Variants in CDC42BPB observed in about 807,000 individuals in gnomAD.
CDC42BPB encodes the protein serine/threonine-protein kinase MRCK beta.
A neutral mutation model predicts 214.9 loss-of-function variants in CDC42BPB; 37 were observed. That is an observed-to-expected ratio of 0.17 (90% CI 0.13 to 0.23). CDC42BPB has a LOEUF of 0.23. Among genes scored for constraint, CDC42BPB ranks in the 10% least tolerant of loss-of-function variants. The pLI is 1.00. For missense variants in CDC42BPB, 1,694 were observed against 2,227.0 expected, an observed-to-expected ratio of 0.76 and a Z score of 4.82; for synonymous variants, 931 against 884.0, an observed-to-expected ratio of 1.05 and a Z score of -0.94.
intron 16 of CDC42BPB, among the ~76,000 whole-genome samples, chr14:102,967,644 G>A (rs1185765673): frequency 2.0e-5 from 3 of 152,226 alleles, no homozygotes; most frequent in East Asian, 1.9e-4. Context: ...TGTGCGGGAC[G>A]CTGCCGGCGG....
intron 5 of CDC42BPB, among the ~76,000 whole-genome samples, chr14:102,997,017 T>C (rs571784452): frequency 3.9e-4 from 59 of 152,284 alleles, no homozygotes; most frequent in Admixed American, 3.4e-3. Context: ...CCCACCTCTC[T>C]AGCCTCAACT....
intron 5 of CDC42BPB, among the ~76,000 whole-genome samples, chr14:102,994,484 G>C (rs964664058): frequency 7.2e-5 from 11 of 152,154 alleles, no homozygotes; most frequent in Admixed American, 3.9e-4. Context: ...GAGGCCTTTA[G>C]ATGGGCAGAT....
At chr14:103,046,940 C>T (rs896053551) in intron 1 of CDC42BPB, among the ~76,000 whole-genome samples, 20 of 151,806 alleles carry the variant, frequency 1.3e-4, no homozygotes, top group Non-Finnish European at 8.8e-5. Context: ...CAGGAGCCGC[C>T]GCGCCCAGCC....
chr14:103,049,330 T>C (rs961193535), intron 1 of CDC42BPB, among the ~76,000 whole-genome samples: 1 of 152,206 alleles, frequency 6.6e-6, no homozygotes, highest in African/African-American at 2.4e-5. Flanking sequence ...TCTCAGATGG[T>C]GGCCTGAGGG....
At chr14:103,002,376 G>T (rs1895028669) in intron 4 of CDC42BPB, among the ~76,000 whole-genome samples, 1 of 152,188 alleles carries the variant, frequency 6.6e-6, no homozygotes, top group Non-Finnish European at 1.5e-5. Flanking sequence ...CTTCACAGGG[G>T]CTCCTAACTG....
chr14:102,945,242 A>G, intron 29 of CDC42BPB: 2 of 458,668 alleles, frequency 4.4e-6, no homozygotes, highest in Non-Finnish European at 4.4e-6. Context: ...GGCCAGTTCC[A>G]GTCTCCTGAC....
At chr14:102,978,288 G>A (rs1595487803) in intron 8 of CDC42BPB, 83 bp from the exon 9 acceptor site, 1 of 1,586,616 alleles carries the variant, frequency 6.3e-7, no homozygotes, top group Non-Finnish European at 8.6e-7. Flanking sequence ...CAGTCATGGT[G>A]ACAGGAGGCA....
chr14:103,043,390 G>A (rs544094446), intron 1 of CDC42BPB, among the ~76,000 whole-genome samples: 2 of 152,300 alleles, frequency 1.3e-5, no homozygotes, highest in East Asian at 3.9e-4. Context: ...GCTACAACAT[G>A]GGATGAACCT....
At chr14:102,952,804 G>C (rs1337174234) in intron 23 of CDC42BPB, 3 of 875,870 alleles carry the variant, frequency 3.4e-6, no homozygotes, top group Non-Finnish European at 2.7e-6. Context: ...GAGCCAGAGA[G>C]AGGCCAACAA....
chr14:102,950,472 A>T lies in CDC42BPB; in HGVS notation c.3303T>A (p.His1101Gln). 6.2e-7 allele frequency: 1 copy of T among 1,613,096 alleles called. No individual in the cohort carries two copies. The highest frequency in any genetic ancestry group is 2.2e-5 in the East Asian group (1 of 44,882). ...QRGIGTAYKG[H>Q]VKVPKPTGVK... ...CGGAGATGAAGCCGCCTACCTTGAC[A>T]TGGCCTTTGTAGGCTGTTCCGATGC... Residue 1101 changes from histidine to glutamine, a missense_variant, in exon 25 of 37, where the codon CAT becomes CAA. By Grantham distance (24) the His-to-Gln change is conservative. This residue lies in a region of CDC42BPB where 567 missense variants were observed against 790.3 expected (regional missense o/e 0.72). Coordinates refer to ENST00000361246, the MANE Select transcript of CDC42BPB (RefSeq NM_006035.4).
intron 1 of CDC42BPB, among the ~76,000 whole-genome samples, chr14:103,047,895 T>A (rs1888382576): frequency 1.5e-5 from 1 of 66,444 alleles, no homozygotes. Context: ...AGAGCAAGAC[T>A]CTGTGTCCAA....
chr14:102,953,793 T>C (rs1892595111), intron 23 of CDC42BPB, among the ~76,000 whole-genome samples: 1 of 152,194 alleles, frequency 6.6e-6, no homozygotes, highest in Non-Finnish European at 1.5e-5. Context: ...GGGCCGTTTA[T>C]GCTGGGAGTC....
intron 1 of CDC42BPB, among the ~76,000 whole-genome samples, chr14:103,022,048 A>G (rs1414403915): frequency 2.6e-5 from 4 of 152,150 alleles, no homozygotes; most frequent in Non-Finnish European, 5.9e-5. Flanking sequence ...CAAGGTGCCC[A>G]GTGTACAGCT....
At chr14:102,990,389 T>C (rs1435434023) in intron 5 of CDC42BPB, among the ~76,000 whole-genome samples, 1 of 152,194 alleles carries the variant, frequency 6.6e-6, no homozygotes, top group Non-Finnish European at 1.5e-5. Flanking sequence ...GCTTCTGTGG[T>C]GTCCTGGGCA....
Position 103,008,626 on chromosome 14 carries a change from G to A in CDC42BPB, c.268-71C>T, listed in dbSNP as rs1458069094. ...AAGGCTAGCACGCTGGAGCTAAACTGTAGTGAAATCCTAACAGCCCAGGAG... is the reference window on the plus strand; with the variant it reads ...AAGGCTAGCACGCTGGAGCTAAACTATAGTGAAATCCTAACAGCCCAGGAG... On this transcript the variant is annotated intron_variant, in intron 2 of 36. Transcript: ENST00000361246. 3.2e-6 allele frequency: 5 copies of A among 1,583,578 alleles called. No individual in the cohort carries two copies. The African/African-American group carries it at 5.4e-5, about 17-fold the overall frequency.
intron 26 of CDC42BPB, among the ~76,000 whole-genome samples, chr14:102,948,820 T>C (rs1352312422): frequency 6.6e-6 from 1 of 151,914 alleles, no homozygotes; most frequent in Non-Finnish European, 1.5e-5. Context: ...TGACTTGGGC[T>C]CATGCCAACT....
At chr14:102,991,352 C>T (rs761065589) in intron 5 of CDC42BPB, among the ~76,000 whole-genome samples, 7 of 152,190 alleles carry the variant, frequency 4.6e-5, no homozygotes, top group Non-Finnish European at 8.8e-5. Flanking sequence ...ACACTGTATT[C>T]GCCAAACACA....
At position 102,976,036 on chromosome 14, in the gene CDC42BPB, G is replaced by A. The variant is rs143236725; in HGVS notation, c.1234C>T (p.Arg412Ter). The A allele has an allele frequency of 6.2e-7, 1 of 1,610,946 alleles. No homozygotes were observed. The highest frequency in any genetic ancestry group is 8.5e-7 in the Non-Finnish European group (1 of 1,177,748). ...TFTTESCFSDRGSLKSIMQSN... is the reference protein window; with the variant it reads ...TFTTESCFSD ...TGCATTATGCTCTTCAGAGAGCCTC[G>A]ATCAGAAAAACAGCTGGGAAACCAA... is the stretch of plus-strand genomic sequence containing the variant. The change falls in exon 10 of 37, where the codon CGA becomes TGA. Residue 412 changes from arginine (R) to a stop codon, truncating the protein, a stop_gained. Coordinates refer to ENST00000361246, the MANE Select transcript of CDC42BPB (RefSeq NM_006035.4). LOFTEE classifies it high-confidence loss of function.
intron 29 of CDC42BPB, 125 bp downstream of exon 29, chr14:102,945,537 T>C (rs1363459219): frequency 1.3e-6 from 1 of 783,178 alleles, no homozygotes; most frequent in South Asian, 1.6e-5. Flanking sequence ...CACGGCACGC[T>C]GGCCCCTCCG....
Sources: allele counts gnomAD v4.1 joint callset (sites outside exome capture counted in the v4.1 genomes callset), GRCh38; gene constraint gnomAD v4.1.1; regional missense constraint gnomAD v4.1.1; transcripts MANE v1.5; gene names NCBI Gene and HGNC (gene_info 2026-07-23, HGNC 2026-07-21).